Variants in PARP9 observed in about 807,000 individuals in gnomAD.
The protein encoded by PARP9 is poly(ADP-ribose) polymerase family member 9.
A neutral mutation model predicts 68.8 loss-of-function variants in PARP9; 48 were observed. The observed-to-expected ratio is 0.70, with a 90% CI of 0.55 to 0.89. The LOEUF (loss-of-function observed/expected upper bound fraction) is 0.89. Among genes scored for constraint, PARP9 ranks in the 40% least tolerant of loss-of-function variants. The pLI is 0.00. For missense variants in PARP9, 806 were observed against 969.3 expected, an observed-to-expected ratio of 0.83 and a Z score of 2.24; for synonymous variants, 309 against 333.8, an observed-to-expected ratio of 0.93 and a Z score of 0.81.
At chr3:122,562,473 G>A (rs183591823) in intron 1 of PARP9, among the ~76,000 whole-genome samples, 1 of 151,940 alleles carries the variant, frequency 6.6e-6, no homozygotes, top group Non-Finnish European at 1.5e-5. Context: ...GATTACAGGC[G>A]TGAGCCACCG....
At chr3:122,545,639 G>A in intron 6 of PARP9, 150 bp from the exon 7 acceptor site, 1 of 699,462 alleles carries the variant, frequency 1.4e-6, no homozygotes. Flanking sequence ...CTTTAGGAAA[G>A]TCCCAGAGAA....
chr3:122,564,314 AG>A, upstream of PARP9: 1 of 1,261,514 alleles, frequency 7.9e-7, no homozygotes, highest in Non-Finnish European at 1.1e-6. Context: ...GGGAACAGGG[AG>A]GGACCTCCAG....
chr3:122,538,570 C>A (rs1466585216), intron 8 of PARP9, among the ~76,000 whole-genome samples: 2 of 151,738 alleles, frequency 1.3e-5, no homozygotes, highest in Non-Finnish European at 2.9e-5. Context: ...TGCCATCGTG[C>A]GGCAGAGCAA....
At chr3:122,554,796 C>T (rs1263156906) in intron 4 of PARP9, among the ~76,000 whole-genome samples, 1 of 152,128 alleles carries the variant, frequency 6.6e-6, no homozygotes, top group Non-Finnish European at 1.5e-5. Context: ...GGAATCACTG[C>T]AGCCTTGAAC....
At chr3:122,533,877 A>G in intron 10 of PARP9, 1 of 985,494 alleles carries the variant, frequency 1.0e-6, no homozygotes, top group Non-Finnish European at 1.2e-6. Context: ...TGAGAGTCCT[A>G]TAATTTGGAA....
upstream of PARP9, chr3:122,564,735 G>GCCAC: frequency 8.0e-7 from 1 of 1,249,002 alleles, no homozygotes; most frequent in Non-Finnish European, 1.1e-6. Flanking sequence ...CTGTGCGGTG[G>GCCAC]CGGACAGGGA....
intron 10 of PARP9, chr3:122,534,114 C>G: frequency 1.0e-6 from 1 of 964,462 alleles, no homozygotes; most frequent in Non-Finnish European, 1.2e-6. Flanking sequence ...AGCACACAGA[C>G]AGCAGGTAAG....
chr3:122,540,951 T>A, intron 7 of PARP9, 99 bp from the exon 8 acceptor site: 1 of 1,317,278 alleles, frequency 7.6e-7, no homozygotes, highest in Non-Finnish European at 1.0e-6. Flanking sequence ...AGTGCAGTGC[T>A]GCGATCTCAG....
chr3:122,535,499 T>C, intron 10 of PARP9: 1 of 985,362 alleles, frequency 1.0e-6, no homozygotes, highest in South Asian at 4.7e-5. Flanking sequence ...TCTCCATAAT[T>C]TTTACTAAAT....
intron 8 of PARP9, among the ~76,000 whole-genome samples, chr3:122,539,806 C>A (rs1375585221): frequency 6.6e-6 from 1 of 152,044 alleles, no homozygotes; most frequent in Non-Finnish European, 1.5e-5. Flanking sequence ...TCAGGTGATG[C>A]GCCCACCTCG....
At chr3:122,538,840 T>C (rs2077862018) in intron 8 of PARP9, among the ~76,000 whole-genome samples, 1 of 141,500 alleles carries the variant, frequency 7.1e-6, no homozygotes, top group African/African-American at 2.6e-5. Flanking sequence ...CTTATGCTTG[T>C]GTATTCTTTT....
chr3:122,562,328 G>A (rs1218976753), intron 1 of PARP9, among the ~76,000 whole-genome samples: 2 of 150,248 alleles, frequency 1.3e-5, no homozygotes, highest in South Asian at 2.1e-4. Context: ...GACTACAGGC[G>A]CCCACCACCA....
intron 10 of PARP9, chr3:122,533,557 C>A: frequency 6.6e-6 from 3 of 456,004 alleles, no homozygotes; most frequent in Non-Finnish European, 8.7e-6. Context: ...GAATGGGCAA[C>A]AGGTGAACTC....
At chr3:122,543,338 C>G (rs1157002273) in intron 7 of PARP9, among the ~76,000 whole-genome samples, 1 of 151,774 alleles carries the variant, frequency 6.6e-6, no homozygotes, top group Non-Finnish European at 1.5e-5. Flanking sequence ...AGTGCAATGG[C>G]GCAATCTTGG....
intron 1 of PARP9, among the ~76,000 whole-genome samples, chr3:122,562,840 C>CT (rs1175265788): frequency 2.0e-5 from 3 of 152,162 alleles, no homozygotes; most frequent in African/African-American, 7.2e-5. Context: ...GCTAGTCCCC[C>CT]TATTTATGGG....
intron 10 of PARP9, chr3:122,534,769 G>T: frequency 3.1e-6 from 1 of 326,138 alleles, no homozygotes; most frequent in Non-Finnish European, 4.4e-6. Context: ...CCAGCTACCT[G>T]GGAGGCTGAG....
intron 7 of PARP9, among the ~76,000 whole-genome samples, chr3:122,544,897 C>G (rs1188172738): frequency 6.6e-6 from 1 of 152,136 alleles, no homozygotes; most frequent in Non-Finnish European, 1.5e-5. Context: ...AATAGATATG[C>G]TTGGCCCAGA....
intron 6 of PARP9, among the ~76,000 whole-genome samples, chr3:122,550,168 C>G (rs1446535315): frequency 6.6e-6 from 1 of 152,190 alleles, no homozygotes; most frequent in East Asian, 1.9e-4. Flanking sequence ...CAATCTCCGC[C>G]TCCCAGGTTC....
chr3:122,550,681 A>G lies in PARP9; in HGVS notation c.1229T>C (p.Ile410Thr), dbSNP rs775603931. ...AAATGTTAAAACTTCATCAAACAAA[A>G]TCTCTGCTGCTGTTTCCTTCTTTAT... ...MEIKKETAAE[I>T]LFDEVLTFAK... The change falls in exon 6 of 11, where the codon ATT becomes ACT. Residue 410 changes from isoleucine to threonine, a missense_variant. By Grantham distance (89) the Ile-to-Thr change is moderately conservative. Transcript: ENST00000682323. The G allele has an allele frequency of 2.5e-6, 4 of 1,614,156 alleles. No individual in the cohort carries two copies.
Sources: allele counts gnomAD v4.1 joint callset (sites outside exome capture counted in the v4.1 genomes callset), GRCh38; gene constraint gnomAD v4.1.1; transcripts MANE v1.5; gene names NCBI Gene and HGNC (gene_info 2026-07-23, HGNC 2026-07-21).